Variants in HS3ST4 observed in about 807,000 individuals in gnomAD.
HS3ST4 encodes the protein heparan sulfate-glucosamine 3-sulfotransferase 4.
A neutral mutation model predicts 29.2 loss-of-function variants in HS3ST4; 17 were observed. The observed-to-expected ratio is 0.58, with a 90% CI of 0.40 to 0.87. The LOEUF is 0.87. HS3ST4 is among the 40% of genes least tolerant of loss of function. The pLI, the probability that HS3ST4 is intolerant of heterozygous loss-of-function variation, is 0.00. For synonymous variants in HS3ST4, 314 were observed against 285.7 expected (o/e 1.10, Z -1.00); for missense variants, 627 against 634.5 (o/e 0.99, Z 0.13).
chr16:25,800,248 A>G (rs1302416280), intron 1 of HS3ST4, among the ~76,000 whole-genome samples: 1 of 152,182 alleles, frequency 6.6e-6, no homozygotes, highest in Admixed American at 6.6e-5. Flanking sequence ...ACCTTAGTTG[A>G]ATAGAATGTT....
chr16:26,130,101 C>T (rs544723749), intron 1 of HS3ST4, among the ~76,000 whole-genome samples: 4 of 152,214 alleles, frequency 2.6e-5, no homozygotes, highest in South Asian at 2.1e-4. Context: ...GGGGACAGGG[C>T]GAGTGAGTTG....
At position 25,788,942 on chromosome 16, in the gene HS3ST4, G is replaced by A. The variant is rs1037993919; in HGVS notation, c.734+95791G>A. 2.6e-5 allele frequency among the ~76,000 whole-genome samples: 4 copies of A among 152,082 alleles called. 1 individual carries two copies. Among genetic ancestry groups the A allele is most frequent in the Non-Finnish European group, 5.9e-5 (4 of 68,020 alleles). On this transcript the variant is annotated intron_variant, in intron 1 of 1. Coordinates refer to ENST00000331351, the MANE Select transcript of HS3ST4 (RefSeq NM_006040.3). ...ATCAATGTCGATGGTGAACTTTCTT[G>A]TTCTTTTCAGATAATTACATCCAAA...
chr16:26,093,558 T>A (rs1345466714), intron 1 of HS3ST4, among the ~76,000 whole-genome samples: 3 of 152,110 alleles, frequency 2.0e-5, no homozygotes, highest in Admixed American at 1.3e-4. Flanking sequence ...CAGAAAGGAA[T>A]AGCATCAACA....
chr16:26,108,158 G>A (rs1596683724), intron 1 of HS3ST4, among the ~76,000 whole-genome samples: 1 of 152,118 alleles, frequency 6.6e-6, no homozygotes, highest in African/African-American at 2.4e-5. Flanking sequence ...GGGGTAATAT[G>A]GTATCACACT....
At chr16:25,931,366 C>T (rs1968461457) in intron 1 of HS3ST4, among the ~76,000 whole-genome samples, 2 of 152,234 alleles carry the variant, frequency 1.3e-5, no homozygotes, top group African/African-American at 4.8e-5. Context: ...CCTGACCTTG[C>T]CCTCTGCCAG....
chr16:25,736,415 C>T (rs536687864), intron 1 of HS3ST4, among the ~76,000 whole-genome samples: 21 of 152,278 alleles, frequency 1.4e-4, no homozygotes, highest in East Asian at 1.9e-4. Flanking sequence ...GTGAAGATTA[C>T]GTGCTATATG....
chr16:25,814,345 T>G (rs1348354204), intron 1 of HS3ST4, among the ~76,000 whole-genome samples: 1 of 152,052 alleles, frequency 6.6e-6, no homozygotes, highest in African/African-American at 2.4e-5. Context: ...TGTTTTGTTT[T>G]TTTTTGGCGG....
intron 1 of HS3ST4, among the ~76,000 whole-genome samples, chr16:25,844,428 G>A (rs1967444451): frequency 6.6e-6 from 1 of 152,100 alleles, no homozygotes; most frequent in Admixed American, 6.5e-5. Flanking sequence ...ATTAGTCCTT[G>A]TAGTTGCTCT....
chr16:25,753,667 C>G (rs952682448), intron 1 of HS3ST4, among the ~76,000 whole-genome samples: 11 of 152,192 alleles, frequency 7.2e-5, no homozygotes, highest in African/African-American at 2.2e-4. Flanking sequence ...CTGTCTGGCT[C>G]TAATCCCCTG....
intron 1 of HS3ST4, among the ~76,000 whole-genome samples, chr16:25,966,265 C>A (rs1488046265): frequency 1.3e-5 from 2 of 152,138 alleles, no homozygotes; most frequent in African/African-American, 4.8e-5. Flanking sequence ...TGCCTGCACA[C>A]TTGACCATTA....
intron 1 of HS3ST4, among the ~76,000 whole-genome samples, chr16:25,703,090 C>T (rs1966346817): frequency 6.6e-6 from 1 of 152,000 alleles, no homozygotes; most frequent in African/African-American, 2.4e-5. Flanking sequence ...ACCCAGGATG[C>T]AGAGGTTGCA....
At chr16:26,049,437 A>G (rs72483415) in intron 1 of HS3ST4, among the ~76,000 whole-genome samples, 12,939 of 150,352 alleles carry the variant, frequency 0.086, 727 homozygotes, top group East Asian at 0.28. Context: ...GTGCCCGTGC[A>G]TTTGTACTAG....
chr16:25,925,513 A>C (rs963332970), intron 1 of HS3ST4, among the ~76,000 whole-genome samples: 2 of 152,110 alleles, frequency 1.3e-5, no homozygotes, highest in African/African-American at 4.8e-5. Flanking sequence ...CACAAACCAA[A>C]TGCAGCCCCA....
chr16:25,776,655 A>C (rs897939608), intron 1 of HS3ST4, among the ~76,000 whole-genome samples: 2 of 152,222 alleles, frequency 1.3e-5, no homozygotes, highest in Non-Finnish European at 2.9e-5. Context: ...AAGGATGATC[A>C]TGCCTACCGG....
At chr16:25,797,126 G>T (rs768630951) in intron 1 of HS3ST4, among the ~76,000 whole-genome samples, 1 of 152,184 alleles carries the variant, frequency 6.6e-6, no homozygotes, top group Non-Finnish European at 1.5e-5. Context: ...AGGAGTGGTT[G>T]CATGCCGCGT....
chr16:26,120,328 G>A (rs548103834), intron 1 of HS3ST4, among the ~76,000 whole-genome samples: 27 of 152,212 alleles, frequency 1.8e-4, no homozygotes, highest in African/African-American at 2.9e-4. Flanking sequence ...TACAGCCACC[G>A]TAGGATACAC....
chr16:25,985,381 TAG>T (rs1432786663), intron 1 of HS3ST4, among the ~76,000 whole-genome samples: 1 of 152,116 alleles, frequency 6.6e-6, no homozygotes, highest in Admixed American at 6.5e-5. Context: ...TGCAGTTCTG[TAG>T]AGAGTGAGTC....
rs141512141 is a variant in HS3ST4, at chr16:25,912,766, G to A, written c.734+219615G>A. On this transcript the variant is annotated intron_variant, in intron 1 of 1. Coordinates refer to ENST00000331351, the MANE Select transcript of HS3ST4 (RefSeq NM_006040.3). ...CCCCTGTGGCTGGCCTGGAACCAAC[G>A]CTGACCTTAACTGTCTGGAGAAGGA... 9.2e-5 allele frequency among the ~76,000 whole-genome samples: 14 copies of A among 152,302 alleles called. 1 individual carries two copies. The East Asian group carries it at 1.5e-3, about 17-fold the overall frequency.
intron 1 of HS3ST4, among the ~76,000 whole-genome samples, chr16:25,756,127 TACACACACACACACAC>T (rs61054132): frequency 7.1e-6 from 1 of 140,652 alleles, no homozygotes; most frequent in Admixed American, 7.1e-5. Flanking sequence ...CACACACACA[TACACACACACACACAC>T]ACACACACAC....
Sources: gnomAD v4.1 joint callset for allele counts (sites outside exome capture counted in the v4.1 genomes callset) on GRCh38, gnomAD v4.1.1 for gene constraint, MANE v1.5 for transcripts, NCBI Gene and HGNC (gene_info 2026-07-23, HGNC 2026-07-21) for gene names.